Variants in VWA8 observed in about 807,000 individuals in gnomAD.
VWA8 encodes von Willebrand factor A domain containing 8, also known as von Willebrand factor A domain-containing protein 8.
A neutral mutation model predicts 241.5 loss-of-function variants in VWA8; 221 were observed. The observed-to-expected ratio is 0.91, with a 90% CI of 0.82 to 1.02. VWA8 has a LOEUF of 1.02. Among genes scored for constraint, VWA8 ranks in the 50% least tolerant of loss-of-function variants. The probability of loss-of-function intolerance (pLI) is 0.00; values close to 1 mark genes in which losing one functional copy is unlikely to be tolerated. For synonymous variants in VWA8, 852 were observed against 827.1 expected (o/e 1.03, Z -0.52); for missense variants, 2,322 against 2,328.7 (o/e 1.00, Z 0.06).
chr13:41,957,367 T>C (rs1878396545), intron 1 of VWA8, among the ~76,000 whole-genome samples: 1 of 152,218 alleles, frequency 6.6e-6, no homozygotes, highest in Admixed American at 6.5e-5. Context: ...TTGTGAGGCC[T>C]ACCCAGCCAT....
chr13:41,795,769 G>T lies in VWA8; in HGVS notation c.2064-8226C>A, dbSNP rs189230177. ...TGAGAACACATGGACACATAATGGG[G>T]AATAACACACACTGGAGCCTCTTGA... On this transcript the variant is annotated intron_variant, in intron 17 of 44. Transcript: ENST00000379310. Among the ~76,000 whole-genome samples, 12 of 152,208 alleles carry T rather than the reference G, an allele frequency of 7.9e-5. No homozygotes were observed. The East Asian group carries it at 2.3e-3, about 29-fold the overall frequency.
chr13:41,682,075 G>A (rs1378374663), intron 35 of VWA8, among the ~76,000 whole-genome samples: 2 of 152,154 alleles, frequency 1.3e-5, no homozygotes, highest in African/African-American at 4.8e-5. Flanking sequence ...GAAGAACAAA[G>A]TGGAAGAATC....
intron 20 of VWA8, among the ~76,000 whole-genome samples, chr13:41,767,619 T>C (rs1187682457): frequency 1.3e-5 from 2 of 152,254 alleles, no homozygotes; most frequent in East Asian, 1.9e-4. Context: ...AATGGGTTCG[T>C]TGTAACGGTC....
chr13:41,820,372 G>A (rs1301889021), intron 14 of VWA8, among the ~76,000 whole-genome samples: 1 of 152,088 alleles, frequency 6.6e-6, no homozygotes, highest in East Asian at 1.9e-4. Context: ...AATACCAGGA[G>A]GTAGGACACA....
chr13:41,909,055 T>A (rs7491749), intron 3 of VWA8, among the ~76,000 whole-genome samples: 11,527 of 72,176 alleles, frequency 0.16, 470 homozygotes, highest in African/African-American at 0.23. Context: ...AGGAAAAAAA[T>A]TTTTTTTTTT....
At chr13:41,695,653 G>A (rs1011198322) in intron 29 of VWA8, among the ~76,000 whole-genome samples, 2 of 152,176 alleles carry the variant, frequency 1.3e-5, no homozygotes, top group African/African-American at 4.8e-5. Flanking sequence ...GACAGGTAGA[G>A]AGGAAGTATA....
intron 19 of VWA8, among the ~76,000 whole-genome samples, chr13:41,781,252 T>A (rs780769625): frequency 6.6e-5 from 10 of 152,128 alleles, no homozygotes; most frequent in Non-Finnish European, 1.0e-4. Context: ...CTCTTGGCAC[T>A]CTTCCACTTG....
At chr13:41,615,753 C>T (rs867112145) in intron 37 of VWA8, among the ~76,000 whole-genome samples, 1 of 152,184 alleles carries the variant, frequency 6.6e-6, no homozygotes, top group Non-Finnish European at 1.5e-5. Context: ...CTTTAGCCTT[C>T]CTCTGTGAGA....
chr13:41,950,451 C>T (rs1205315659), intron 1 of VWA8, among the ~76,000 whole-genome samples: 1 of 151,712 alleles, frequency 6.6e-6, no homozygotes, highest in African/African-American at 2.4e-5. Context: ...TCACTGCAAG[C>T]TCCGCCTCCC....
chr13:41,867,899 T>C (rs940663236), intron 10 of VWA8, among the ~76,000 whole-genome samples: 1 of 152,130 alleles, frequency 6.6e-6, no homozygotes, highest in East Asian at 1.9e-4. Flanking sequence ...CTGATATATA[T>C]ATAACATATA....
intron 42 of VWA8, among the ~76,000 whole-genome samples, chr13:41,583,131 C>T (rs923731989): frequency 2.0e-5 from 3 of 152,226 alleles, no homozygotes; most frequent in East Asian, 3.9e-4. Flanking sequence ...TAAGGAGCTC[C>T]ATCTTACCTC....
chr13:41,918,310 C>T lies in VWA8; in HGVS notation c.242-6142G>A, dbSNP rs146145866. 2.3e-4 allele frequency among the ~76,000 whole-genome samples: 35 copies of T among 152,216 alleles called. No individual in the cohort carries two copies. In the East Asian group the frequency reaches 5.8e-3, roughly 25 times the overall value. ...ATCAAAACTAAATCTACAGCACTGG[C>T]CAGCACAGTGCTCAGCACAGAGAAG... On this transcript the variant is annotated intron_variant, in intron 2 of 44. Transcript: ENST00000379310.
At chr13:41,704,325 T>C (rs1237089727) in intron 26 of VWA8, among the ~76,000 whole-genome samples, 1 of 152,224 alleles carries the variant, frequency 6.6e-6, no homozygotes, top group East Asian at 1.9e-4. Context: ...CCAAGGGAGC[T>C]AAATGCTGAT....
At position 41,692,934 on chromosome 13, in the gene VWA8, G is replaced by A. The variant is rs759829094; in HGVS notation, c.3603C>T (p.Ala1201=). 3 of 1,611,290 alleles carry A rather than the reference G, an allele frequency of 1.9e-6. No individual in the cohort carries two copies. Among genetic ancestry groups the A allele is most frequent in the South Asian group, 1.1e-5 (1 of 90,946 alleles). The change falls in exon 30 of 45, where the codon GCC becomes GCT. Residue 1201 remains alanine (A), a synonymous_variant. Transcript: ENST00000379310. Reference sequence around the variant, plus strand: ...CGGAAGGGAGGATGAGACGATGAAGGGCCCGGCCAGTAGTATCTAACAACA... The same window carrying A: ...CGGAAGGGAGGATGAGACGATGAAGAGCCCGGCCAGTAGTATCTAACAACA... The part of the protein sequence containing the change: ...VILLLDTTGR[A]LHRLILPSEK...
chr13:41,780,082 A>G (rs141587563), intron 19 of VWA8, among the ~76,000 whole-genome samples: 8 of 152,038 alleles, frequency 5.3e-5, no homozygotes, highest in African/African-American at 1.9e-4. Context: ...CCTTCCTTCT[A>G]CCTTCTTACA....
In VWA8 at chr13:41,568,160, C is replaced by T; in HGVS notation, c.*37G>A. The T allele has an allele frequency of 6.5e-7, 1 of 1,532,108 alleles. No individual in the cohort carries two copies. The highest frequency in any genetic ancestry group is 9.0e-7 in the Non-Finnish European group (1 of 1,107,454). The allele number at this position is 1,532,108 out of a possible 1,614,324, so 94.9% of individuals were successfully genotyped here. A position where few individuals can be genotyped will look rare whatever the true frequency, so the allele number is the denominator to read the frequency against. On this transcript the variant is annotated 3_prime_UTR_variant, in exon 45 of 45. Coordinates refer to ENST00000379310, the MANE Select transcript of VWA8 (RefSeq NM_015058.2). ...AATACTCTTTATTCCTGTCTTATTT[C>T]AAATCCTGGTGTCATCAGGGTGATG...
chr13:41,655,163 C>T (rs1330296319), intron 37 of VWA8, among the ~76,000 whole-genome samples: 1 of 150,856 alleles, frequency 6.6e-6, no homozygotes, highest in Non-Finnish European at 1.5e-5. Flanking sequence ...GCTCTTGGCT[C>T]ACTGCAACCT....
At chr13:41,701,693 A>G (rs980684171) in intron 27 of VWA8, among the ~76,000 whole-genome samples, 163 bp from the exon 28 acceptor site, 3 of 152,268 alleles carry the variant, frequency 2.0e-5, no homozygotes, top group Non-Finnish European at 4.4e-5. Flanking sequence ...CAGTAATAGT[A>G]TCACACACTT....
intron 5 of VWA8, among the ~76,000 whole-genome samples, chr13:41,889,846 T>C (rs1874742721): frequency 6.6e-6 from 1 of 152,212 alleles, no homozygotes; most frequent in African/African-American, 2.4e-5. Flanking sequence ...TTCCAAATTA[T>C]TTACTAAAAA....
Sources: allele counts gnomAD v4.1 joint callset (sites outside exome capture counted in the v4.1 genomes callset), GRCh38; gene constraint gnomAD v4.1.1; transcripts MANE v1.5; gene names NCBI Gene and HGNC (gene_info 2026-07-23, HGNC 2026-07-21).